Variants in GRM7 observed in about 807,000 individuals in gnomAD.
GRM7 encodes the protein metabotropic glutamate receptor 7.
Under a neutral mutation model 84.5 loss-of-function variants are expected in GRM7, and 35 were observed. That is an observed-to-expected ratio of 0.41 (90% CI 0.32 to 0.55). The LOEUF is 0.55. Ranked by LOEUF, GRM7 falls within the 20% of genes least tolerant of loss-of-function variation. The pLI, the probability that GRM7 is intolerant of heterozygous loss-of-function variation, is 0.19. For missense variants in GRM7, 1,003 were observed against 1,194.6 expected (o/e 0.84, Z 2.36); for synonymous variants, 487 against 455.1 (o/e 1.07, Z -0.89).
intron 1 of GRM7, among the ~76,000 whole-genome samples, chr3:6,971,840 T>A (rs1161141469): frequency 6.6e-6 from 1 of 150,754 alleles, no homozygotes; most frequent in African/African-American, 2.5e-5. Flanking sequence ...CTTAACTAAT[T>A]TTTTTGCAGA....
At chr3:7,277,287 C>T (rs2324054) in intron 2 of GRM7, among the ~76,000 whole-genome samples, 136,480 of 152,030 alleles carry the variant, frequency 0.9, 61,532 homozygotes, top group East Asian at 0.98. Flanking sequence ...TATAGACTAA[C>T]GTAAGATTAA....
At chr3:6,899,932 A>G (rs1032060680) in intron 1 of GRM7, among the ~76,000 whole-genome samples, 1 of 152,218 alleles carries the variant, frequency 6.6e-6, no homozygotes, top group Non-Finnish European at 1.5e-5. Flanking sequence ...TTCTCAAGTC[A>G]GTATCTTTAC....
intron 7 of GRM7, among the ~76,000 whole-genome samples, chr3:7,508,836 C>A (rs1398688981): frequency 6.6e-6 from 1 of 152,082 alleles, no homozygotes; most frequent in Non-Finnish European, 1.5e-5. Context: ...TGCTATGAGT[C>A]CAGCACCATC....
intron 7 of GRM7, among the ~76,000 whole-genome samples, chr3:7,463,804 A>C (rs1575376111): frequency 6.6e-6 from 1 of 152,318 alleles, no homozygotes; most frequent in African/African-American, 2.4e-5. Context: ...ATACTCATGC[A>C]ACCCCTTGTA....
chr3:6,888,228 T>G (rs1210757200), intron 1 of GRM7, among the ~76,000 whole-genome samples: 1 of 152,088 alleles, frequency 6.6e-6, no homozygotes, highest in East Asian at 1.9e-4. Flanking sequence ...AGAAGCTCTT[T>G]AGTTTAATTA....
intron 1 of GRM7, among the ~76,000 whole-genome samples, chr3:6,922,224 A>T (rs866203717): frequency 6.6e-6 from 1 of 152,238 alleles, no homozygotes; most frequent in Non-Finnish European, 1.5e-5. Context: ...CTGCCAGTTT[A>T]CTTTTTCTCT....
intron 2 of GRM7, among the ~76,000 whole-genome samples, chr3:7,270,114 G>T (rs1453307010): frequency 6.6e-6 from 1 of 152,166 alleles, no homozygotes; most frequent in Non-Finnish European, 1.5e-5. Context: ...ATGTTCTCTT[G>T]GGATGCTGAT....
intron 2 of GRM7, among the ~76,000 whole-genome samples, chr3:7,298,289 GAGCTTTACCTGTTCA>G (rs1699880851): frequency 6.6e-6 from 1 of 152,116 alleles, no homozygotes; most frequent in Admixed American, 6.6e-5. Context: ...GAGATACACA[GAGCTTTACCTGTTCA>G]AGTTTCTTTA....
intron 1 of GRM7, among the ~76,000 whole-genome samples, chr3:6,897,374 C>G (rs374723196): frequency 4.6e-5 from 7 of 152,306 alleles, no homozygotes; most frequent in African/African-American, 1.7e-4. Flanking sequence ...TGTGTTTTAA[C>G]AAATGCTCCA....
chr3:6,944,138 ATC>A (rs760670667), intron 1 of GRM7, among the ~76,000 whole-genome samples: 3 of 152,024 alleles, frequency 2.0e-5, no homozygotes, highest in African/African-American at 7.2e-5. Flanking sequence ...AGACAAATTA[ATC>A]TCTGTTTTTC....
At chr3:7,473,532 A>AGAGAGAGAGAGAGAGAGAGAGAC (rs1553603738) in intron 7 of GRM7, among the ~76,000 whole-genome samples, 3 of 83,564 alleles carry the variant, frequency 3.6e-5, no homozygotes, top group Non-Finnish European at 8.5e-5. Context: ...GAGAGAGAGA[A>AGAGAGAGAGAGAGAGAGAGAGAC]ACACCTTGAC....
intron 1 of GRM7, among the ~76,000 whole-genome samples, chr3:7,050,365 T>C (rs1696949640): frequency 1.3e-5 from 2 of 151,930 alleles, no homozygotes; most frequent in African/African-American, 4.8e-5. Flanking sequence ...TCATTTTGCA[T>C]GTGAAGAAAT....
At position 7,510,815 on chromosome 3, in the gene GRM7, G is replaced by C. The variant is rs544786847; in HGVS notation, c.1515+49093G>C. ...TTCAAATTCCAGTGTCCATAAATAA[G>C]GTTTATTGGAACACAGCCATGCCCA... is the stretch of plus-strand genomic sequence containing the variant. On this transcript the variant is annotated intron_variant, in intron 7 of 9. Transcript: ENST00000357716. Among the ~76,000 whole-genome samples the C allele has an allele frequency of 7.9e-5, 12 of 152,254 alleles. No individual in the cohort carries two copies. The East Asian group carries it at 2.1e-3, about 27-fold the overall frequency.
chr3:6,955,306 C>A (rs1015289136), intron 1 of GRM7, among the ~76,000 whole-genome samples: 6 of 152,234 alleles, frequency 3.9e-5, no homozygotes, highest in Non-Finnish European at 8.8e-5. Context: ...GAGGCCGATG[C>A]GGGCAGATCA....
intron 9 of GRM7, among the ~76,000 whole-genome samples, chr3:7,692,435 T>C (rs1700842030): frequency 6.6e-6 from 1 of 152,154 alleles, no homozygotes; most frequent in Non-Finnish European, 1.5e-5. Flanking sequence ...AAAAAATCAA[T>C]TAACAAAACT....
chr3:6,979,796 A>G (rs79547232), intron 1 of GRM7, among the ~76,000 whole-genome samples: 8,348 of 152,254 alleles, frequency 0.055, 771 homozygotes, highest in African/African-American at 0.19. Context: ...CTTTTGCATC[A>G]ACATAATACA....
At chr3:6,999,461 T>G (rs773442831) in intron 1 of GRM7, among the ~76,000 whole-genome samples, 11 of 152,202 alleles carry the variant, frequency 7.2e-5, no homozygotes, top group Non-Finnish European at 1.5e-4. Flanking sequence ...TTCCAACCTC[T>G]GCCTGTTTCC....
At chr3:7,320,314 C>G (rs1347695346) in intron 4 of GRM7, among the ~76,000 whole-genome samples, 1 of 151,878 alleles carries the variant, frequency 6.6e-6, no homozygotes, top group East Asian at 1.9e-4. Flanking sequence ...GACACACAAG[C>G]CTTTAGCGAT....
chr3:6,870,926 C>T (rs6773334), intron 1 of GRM7, among the ~76,000 whole-genome samples: 12,999 of 151,704 alleles, frequency 0.086, 642 homozygotes, highest in Non-Finnish European at 0.11. Flanking sequence ...TCTGTAGGTC[C>T]GAAGAAAGAT....
Sources: allele counts gnomAD v4.1 joint callset (sites outside exome capture counted in the v4.1 genomes callset), GRCh38; gene constraint gnomAD v4.1.1; transcripts MANE v1.5; gene names NCBI Gene and HGNC (gene_info 2026-07-23, HGNC 2026-07-21).